The following NLRC3 variants were observed in gnomAD, a reference collection of about 807,000 sequenced individuals.
NLRC3 encodes the protein NLR family CARD domain containing 3.
NLRC3 carries 87 observed loss-of-function variants against 91.6 expected under a neutral mutation model. The ratio of observed to expected loss-of-function variants is 0.95; its 90% CI spans 0.80 to 1.14. The LOEUF (loss-of-function observed/expected upper bound fraction) is 1.14, where lower values mean the gene tolerates loss of function less well. Ranked by LOEUF, NLRC3 falls within the 50% of genes most tolerant of loss-of-function variation. The probability of loss-of-function intolerance (pLI) is 0.00; values close to 1 mark genes in which losing one functional copy is unlikely to be tolerated. For synonymous variants in NLRC3, 694 were observed against 625.3 expected, an observed-to-expected ratio of 1.11 and a Z score of -1.64; for missense variants, 1,577 against 1,418.6, an observed-to-expected ratio of 1.11 and a Z score of -1.79.
At chr16:3,572,128 A>T (rs965374593) in intron 1 of NLRC3, among the ~76,000 whole-genome samples, 3 of 152,146 alleles carry the variant, frequency 2.0e-5, no homozygotes, top group African/African-American at 7.2e-5. Context: ...ATGAAATAGA[A>T]AAAAGGACAC....
chr16:3,545,331 G>C (rs911493040), intron 15 of NLRC3: 11 of 151,740 alleles, frequency 7.2e-5, no homozygotes, highest in Non-Finnish European at 1.6e-4. Context: ...GTAGAGACAG[G>C]GTTCTCTGTC....
In NLRC3 at chr16:3,542,959, C is replaced by A. The variant is rs199476289; in HGVS notation, c.2940-184G>T. The A allele has an allele frequency of 7.7e-4, 450 of 582,600 alleles. 5 individuals carry two copies. The highest frequency in any genetic ancestry group is 6.8e-3 in the African/African-American group (363 of 53,670). 36.1% of individuals were successfully genotyped at this position (582,600 alleles called of 1,614,324 possible). A position where few individuals can be genotyped will look rare whatever the true frequency, so the allele number is the denominator to read the frequency against. ...AGAGCTGGCTCTGGGAAGCAGGGCA[C>A]ACAGGGGCATGGCTGGCCTAGCCAG... On this transcript the variant is annotated intron_variant, in intron 17 of 19. Transcript: ENST00000359128.
At chr16:3,551,675 C>A (rs770401801) in intron 10 of NLRC3, among the ~76,000 whole-genome samples, 47 of 151,682 alleles carry the variant, frequency 3.1e-4, no homozygotes, top group Admixed American at 5.9e-4. Flanking sequence ...ATCTATCCAT[C>A]CATCCTTCCA....
chr16:3,559,212 C>T (rs1364237188), intron 6 of NLRC3, among the ~76,000 whole-genome samples: 5 of 152,204 alleles, frequency 3.3e-5, no homozygotes, highest in African/African-American at 9.6e-5. Context: ...TAGAGTGCTT[C>T]CATCCCTCTG....
rs373378033 is a variant in NLRC3 at position 3,565,000 on chromosome 16, C to T, written c.37G>A (p.Gly13Ser). ...GGGGAGCCCGTACCGTGGCCCTGGC[C>T]GGCCTCCCTGCCCGTCCGCACCTCT... ...KQEVRTGREA[G>S]QGHGTGSPAE... The change falls in exon 4 of 20, where the codon GGC becomes AGC. Residue 13 changes from glycine to serine, a missense_variant. By Grantham distance (56) the Gly-to-Ser change is moderately conservative. Coordinates refer to ENST00000359128, the MANE Select transcript of NLRC3 (RefSeq NM_178844.4). The surrounding 1 kb of genome is among the most constrained non-coding windows in gnomAD (Gnocchi z 5.9). 1.5e-5 allele frequency: 24 copies of T among 1,610,312 alleles called. No individual in the cohort carries two copies. The highest frequency in any genetic ancestry group is 2.7e-5 in the African/African-American group (2 of 74,948).
At position 3,557,594 on chromosome 16, in the gene NLRC3, C is replaced by G. The variant is rs1365693589; in HGVS notation, c.2098G>C (p.Asp700His). ...TCGGCCTTGGTTGTCCTTACTTACTCCAGAGAGGTCAGACTTCTGTTGACC... is the reference window on the plus strand; with the variant it reads ...TCGGCCTTGGTTGTCCTTACTTACTGCAGAGAGGTCAGACTTCTGTTGACC... ...LLVNRSLTSLDLRGNSIGPQG... is the reference protein window; with the variant it reads ...LLVNRSLTSLHLRGNSIGPQG... Residue 700 changes from aspartate to histidine, a missense_variant and splice_region_variant, in exon 7 of 20, where the codon GAC (aspartate) becomes CAC (histidine). Physicochemically the swap from Asp to His is moderately conservative, Grantham distance 81. Coordinates refer to ENST00000359128, the MANE Select transcript of NLRC3 (RefSeq NM_178844.4). The G allele has an allele frequency of 1.9e-6, 3 of 1,608,998 alleles. No homozygotes were observed. The highest frequency in any genetic ancestry group is 2.2e-5 in the East Asian group (1 of 44,840).
chr16:3,542,411 A>C, intron 18 of NLRC3, 137 bp from the exon 19 acceptor site: 1 of 680,774 alleles, frequency 1.5e-6, no homozygotes, highest in Admixed American at 2.1e-5. Context: ...TCCAGGTGGG[A>C]GTTGACCCTG....
rs192900811 is a variant in NLRC3, at chr16:3,564,612, C to G, written c.325G>C (p.Val109Leu). 6.1e-3 allele frequency: 9,809 copies of G among 1,610,406 alleles called. 48 individuals carry two copies. The highest frequency in any genetic ancestry group is 7.4e-3 in the Non-Finnish European group (8,682 of 1,179,694). Residue 109 changes from valine (V) to leucine (L), a missense_variant, in exon 5 of 20, where the codon GTG (valine) becomes CTG (leucine). Coordinates refer to ENST00000359128, the MANE Select transcript of NLRC3 (RefSeq NM_178844.4). This position sits in a 1 kb window ranked among gnomAD's most constrained non-coding sequence, Gnocchi z 5.9. Reference protein sequence around the residue: ...LQLREHDFTQVEATRGGGHPA... With the variant: ...LQLREHDFTQLEATRGGGHPA... Reference sequence around the variant, plus strand: ...TGCCCGCCCCCGCGGGTGGCCTCCACCTGTGTGAAGTCGTGTTCCCTCAGC... The same window carrying G: ...TGCCCGCCCCCGCGGGTGGCCTCCAGCTGTGTGAAGTCGTGTTCCCTCAGC...
At chr16:3,548,035 G>C (rs1314577030) in intron 15 of NLRC3, 100 bp downstream of exon 15, 5 of 754,280 alleles carry the variant, frequency 6.6e-6, no homozygotes, top group Non-Finnish European at 1.1e-5. Context: ...AGGAGTGCCA[G>C]GGGTCACTGG....
chr16:3,545,811 G>A (rs1567461529), intron 15 of NLRC3: 1 of 152,302 alleles, frequency 6.6e-6, no homozygotes, highest in Admixed American at 6.5e-5. Flanking sequence ...ATGAGTCCAG[G>A]GAGGGACAAA....
In NLRC3 at chr16:3,549,127, G is replaced by C; in HGVS notation, c.2603+15C>G. On this transcript the variant is annotated intron_variant, in intron 13 of 19. Transcript: ENST00000359128. ...GCATGAACAGCCTGTGGAGTCACAG[G>C]CCCCCACCACGTACTCCAGGTTCTT... The C allele has an allele frequency of 6.5e-7, 1 of 1,549,982 alleles. No individual in the cohort carries two copies.
chr16:3,548,272 G>T, intron 14 of NLRC3, 54 bp from the exon 15 acceptor site: 1 of 1,419,182 alleles, frequency 7.0e-7, no homozygotes. Context: ...TGTGGCCCTG[G>T]GGCAGAGCCA....
intron 6 of NLRC3, among the ~76,000 whole-genome samples, chr16:3,559,949 T>A (rs1335305523): frequency 6.6e-6 from 1 of 152,074 alleles, no homozygotes; most frequent in Non-Finnish European, 1.5e-5. Context: ...GGCCTAGATA[T>A]CCTTTTAAGC....
At chr16:3,544,825 G>C (rs983311311) in intron 15 of NLRC3, 3 of 159,664 alleles carry the variant, frequency 1.9e-5, no homozygotes, top group African/African-American at 7.2e-5. Context: ...AACTAGAGAC[G>C]GGGACTACAG....
chr16:3,564,256 A>G lies in NLRC3; in HGVS notation c.681T>C (p.Pro227=), dbSNP rs907101797. ...ILDGLDECRT[P]LDFSNTVACT... ...AGGCCACGGTGTTGGAGAAGTCCAG[A>G]GGCGTCCTGCACTCATCCAAGCCGT... is the stretch of plus-strand genomic sequence containing the variant. Residue 227 remains proline (P), a synonymous_variant, in exon 5 of 20, where the codon CCT becomes CCC. Transcript: ENST00000359128. This position sits in a 1 kb window ranked among gnomAD's most constrained non-coding sequence, Gnocchi z 5.9. 1 of 1,612,476 alleles carries G rather than the reference A, an allele frequency of 6.2e-7. No individual in the cohort carries two copies. The highest frequency in any genetic ancestry group is 1.7e-5 in the Admixed American group (1 of 59,932).
intron 13 of NLRC3, among the ~76,000 whole-genome samples, 176 bp downstream of exon 13, chr16:3,548,966 T>C (rs1208535851): frequency 6.6e-6 from 1 of 152,128 alleles, no homozygotes; most frequent in Non-Finnish European, 1.5e-5. Context: ...CCTCGTGCAG[T>C]TTACACTATG....
At chr16:3,549,847 T>A in intron 11 of NLRC3, 67 bp from the exon 12 acceptor site, 11 of 1,151,560 alleles carry the variant, frequency 9.6e-6, no homozygotes, top group South Asian at 1.4e-5. Flanking sequence ...CCTGTCCCAG[T>A]CTGGGACAGC....
rs2038797403 is a variant in NLRC3, at chr16:3,548,151, T to G, written c.2755A>C (p.Ser919Arg). ...CCAACTTACTCTAAGCTGGTGAGGC[T>G]CCTGTTGAGCTGTAGTGCTTGTCCC... Reference protein sequence around the residue: ...ALGQALQLNRSLTSLDLQENA... With the variant: ...ALGQALQLNRRLTSLDLQENA... The change falls in exon 15 of 20, where the codon AGC becomes CGC. Residue 919 changes from serine to arginine, a missense_variant. Ser to Arg is a moderately radical substitution (Grantham distance 110). Transcript: ENST00000359128. 6.3e-7 allele frequency: 1 copy of G among 1,589,834 alleles called. No individual in the cohort carries two copies. The highest frequency in any genetic ancestry group is 1.3e-5 in the African/African-American group (1 of 74,512).
intron 5 of NLRC3, 74 bp from the exon 6 acceptor site, chr16:3,561,862 C>A: frequency 1.0e-6 from 1 of 999,742 alleles, no homozygotes; most frequent in South Asian, 1.3e-5. Context: ...CCCGGGGCCT[C>A]TGCCTCTCTC....
Sources: gnomAD v4.1 joint callset for allele counts (sites outside exome capture counted in the v4.1 genomes callset) on GRCh38, gnomAD v4.1.1 for gene constraint, Gnocchi (gnomAD v3.1) non-coding constraint, MANE v1.5 for transcripts, NCBI Gene and HGNC (gene_info 2026-07-23, HGNC 2026-07-21) for gene names.